Variants in SLC24A4 observed in about 807,000 individuals in gnomAD.
SLC24A4 encodes solute carrier family 24 member 4.
A neutral mutation model predicts 79.0 loss-of-function variants in SLC24A4; 53 were observed. The observed-to-expected ratio is 0.67, with a 90% CI of 0.54 to 0.84. SLC24A4 has a LOEUF of 0.84. Among genes scored for constraint, SLC24A4 ranks in the 40% least tolerant of loss-of-function variants. The pLI, the probability that SLC24A4 is intolerant of heterozygous loss-of-function variation, is 0.00. For synonymous variants in SLC24A4, 323 were observed against 323.8 expected (o/e 1.00, Z 0.03); for missense variants, 731 against 822.0 (o/e 0.89, Z 1.35).
intron 9 of SLC24A4, 60 bp downstream of exon 9, chr14:92,447,484 C>CT: frequency 6.8e-7 from 1 of 1,481,434 alleles, no homozygotes; most frequent in South Asian, 1.1e-5. Context: ...CTGCTACAGC[C>CT]TTTTGTGACA....
intron 9 of SLC24A4, 90 bp downstream of exon 9, chr14:92,447,514 T>A: frequency 1.5e-6 from 2 of 1,296,576 alleles, no homozygotes; most frequent in Non-Finnish European, 2.2e-6. Flanking sequence ...AAAACATCTG[T>A]CAGATCTTTG....
intron 16 of SLC24A4, among the ~76,000 whole-genome samples, chr14:92,492,442 G>A (rs538911260): frequency 1.3e-5 from 2 of 152,204 alleles, no homozygotes; most frequent in South Asian, 4.1e-4. Context: ...CTTTTGCTGA[G>A]TACATAAGAA....
intron 2 of SLC24A4, among the ~76,000 whole-genome samples, chr14:92,343,653 TTTC>T (rs1886337840): frequency 1.7e-3 from 59 of 34,230 alleles, no homozygotes; most frequent in African/African-American, 3.5e-3. Context: ...TCTTTCCTTC[TTTC>T]CTTCCTTCCT....
At position 92,496,368 on chromosome 14, in the gene SLC24A4, G is replaced by A. The variant is rs547743984; in HGVS notation, c.*2740G>A. Reference sequence around the variant, plus strand: ...TTTTAAATTACGCTTTCATCACTACGCAGGATTACTTTATTTTATTCCCAA... The same window carrying A: ...TTTTAAATTACGCTTTCATCACTACACAGGATTACTTTATTTTATTCCCAA... On this transcript the variant is annotated 3_prime_UTR_variant, in exon 17 of 17. Transcript: ENST00000532405. 4 of 152,028 alleles carry A rather than the reference G, an allele frequency of 2.6e-5. No individual in the cohort carries two copies. The highest frequency in any genetic ancestry group is 5.9e-5 in the Non-Finnish European group (4 of 68,014). The allele number at this position is 152,028 out of a possible 1,614,324, so 9.4% of individuals were successfully genotyped here. A position where few individuals can be genotyped will look rare whatever the true frequency, so the allele number is the denominator to read the frequency against.
intron 12 of SLC24A4, among the ~76,000 whole-genome samples, chr14:92,476,337 A>G (rs1030624544): frequency 6.6e-6 from 1 of 152,264 alleles, no homozygotes; most frequent in African/African-American, 2.4e-5. Flanking sequence ...GGCCATTTGT[A>G]CAGGGACTAC....
chr14:92,327,422 A>G (rs1380236934), intron 2 of SLC24A4, among the ~76,000 whole-genome samples: 3 of 152,146 alleles, frequency 2.0e-5, no homozygotes, highest in Non-Finnish European at 1.5e-5. Context: ...GGGCCGACTG[A>G]TATATGGCAA....
intron 1 of SLC24A4, among the ~76,000 whole-genome samples, chr14:92,324,265 C>T (rs1818186498): frequency 6.6e-6 from 1 of 152,178 alleles, no homozygotes; most frequent in South Asian, 2.1e-4. Flanking sequence ...GAATGGGCAG[C>T]GCAACTGCGG....
intron 2 of SLC24A4, among the ~76,000 whole-genome samples, chr14:92,382,000 T>C (rs187786437): frequency 6.6e-6 from 1 of 152,300 alleles, no homozygotes; most frequent in African/African-American, 2.4e-5. Context: ...GTTCTTAAAA[T>C]AAATTTTGTC....
At chr14:92,364,085 C>G (rs1002266334) in intron 2 of SLC24A4, among the ~76,000 whole-genome samples, 2 of 152,224 alleles carry the variant, frequency 1.3e-5, no homozygotes, top group African/African-American at 4.8e-5. Context: ...CCACCAGAAG[C>G]ATTCCCCCCA....
At position 92,453,613 on chromosome 14, in the gene SLC24A4, G is replaced by C. The variant is rs191413095; in HGVS notation, c.881-287G>C. ...CTGAAAGACCCTTGTAATTAGCCAA[G>C]ACTGGGCCCCAGAAGAGAGGCGAAA... On this transcript the variant is annotated intron_variant, in intron 10 of 16. Coordinates refer to ENST00000532405, the MANE Select transcript of SLC24A4 (RefSeq NM_153646.4). 9.6e-5 allele frequency: 33 copies of C among 342,266 alleles called. No individual in the cohort carries two copies. In the East Asian group the frequency reaches 1.9e-3, roughly 19 times the overall value. The allele number at this position is 342,266 out of a possible 1,614,324, so 21.2% of individuals were successfully genotyped here. A position where few individuals can be genotyped will look rare whatever the true frequency, so the allele number is the denominator to read the frequency against.
At chr14:92,467,990 C>T (rs1320897254) in intron 12 of SLC24A4, among the ~76,000 whole-genome samples, 2 of 152,168 alleles carry the variant, frequency 1.3e-5, no homozygotes, top group Non-Finnish European at 2.9e-5. Flanking sequence ...GTAAAACTTT[C>T]TGAATTCATG....
intron 12 of SLC24A4, among the ~76,000 whole-genome samples, chr14:92,466,973 G>T (rs992639268): frequency 1.3e-5 from 2 of 152,218 alleles, no homozygotes; most frequent in Non-Finnish European, 2.9e-5. Context: ...AACCTCTGAG[G>T]TGTGAGGCAC....
intron 7 of SLC24A4, among the ~76,000 whole-genome samples, chr14:92,444,123 A>T (rs1892656459): frequency 6.6e-6 from 1 of 151,960 alleles, no homozygotes; most frequent in African/African-American, 2.4e-5. Flanking sequence ...TGCCTACCAC[A>T]CCCCCCAAAA....
At chr14:92,492,422 T>G (rs1895733888) in intron 16 of SLC24A4, among the ~76,000 whole-genome samples, 182 bp downstream of exon 16, 1 of 152,208 alleles carries the variant, frequency 6.6e-6, no homozygotes, top group African/African-American at 2.4e-5. Context: ...GCATTGGCAC[T>G]CTCGCTGTGC....
intron 2 of SLC24A4, among the ~76,000 whole-genome samples, chr14:92,404,235 C>T (rs934151875): frequency 6.6e-6 from 1 of 152,216 alleles, no homozygotes; most frequent in South Asian, 2.1e-4. Flanking sequence ...TTGCATAGCC[C>T]AGCTGGTCTT....
At chr14:92,462,209 G>C (rs1224681006) in intron 12 of SLC24A4, 2 of 152,166 alleles carry the variant, frequency 1.3e-5, no homozygotes, top group Non-Finnish European at 2.9e-5. Context: ...CTGTCATGAA[G>C]CCAGCACATG....
At chr14:92,450,138 G>T (rs1169802730) in intron 10 of SLC24A4, 1 of 152,240 alleles carries the variant, frequency 6.6e-6, no homozygotes, top group Non-Finnish European at 1.5e-5. Context: ...TGGTGTCTGG[G>T]GGCTCTTTCC....
intron 2 of SLC24A4, among the ~76,000 whole-genome samples, chr14:92,393,503 G>T (rs942825826): frequency 2.0e-5 from 3 of 151,320 alleles, no homozygotes; most frequent in African/African-American, 7.3e-5. Flanking sequence ...GCACATCCAA[G>T]GAAATGGCCA....
At chr14:92,379,194 T>C (rs375915973) in intron 2 of SLC24A4, among the ~76,000 whole-genome samples, 14 of 152,200 alleles carry the variant, frequency 9.2e-5, no homozygotes, top group African/African-American at 2.2e-4. Context: ...ATCTCTCTGG[T>C]TTAGTGAGAG....
Sources: allele counts gnomAD v4.1 joint callset (sites outside exome capture counted in the v4.1 genomes callset), GRCh38; gene constraint gnomAD v4.1.1; transcripts MANE v1.5; gene names NCBI Gene and HGNC (gene_info 2026-07-23, HGNC 2026-07-21).